SBDS: variants seen among roughly 807,000 people sequenced by gnomAD.
SBDS encodes the protein ribosome maturation protein SBDS.
Under a neutral mutation model 26.4 loss-of-function variants are expected in SBDS, and 20 were observed. The observed-to-expected ratio is 0.76, with a 90% confidence interval of 0.53 to 1.10. The LOEUF is 1.10. SBDS is among the 50% of genes least tolerant of loss of function. The probability of loss-of-function intolerance (pLI) is 0.00; values close to 1 mark genes in which losing one functional copy is unlikely to be tolerated. For synonymous variants in SBDS, 95 were observed against 105.1 expected, an observed-to-expected ratio of 0.90 and a Z score of 0.59; for missense variants, 241 against 302.0, an observed-to-expected ratio of 0.80 and a Z score of 1.50.
At chr7:66,988,831 A>G (rs1186003913) in intron 4 of SBDS, among the ~76,000 whole-genome samples, 1 of 152,212 alleles carries the variant, frequency 6.6e-6, no homozygotes, top group African/African-American at 2.4e-5. Flanking sequence ...ATAGCTCAGT[A>G]AAGTCACCTC....
rs1053591 is a variant in SBDS, at chr7:66,988,135, C to T, written c.*236G>A. On this transcript the variant is annotated 3_prime_UTR_variant, in exon 5 of 5. Transcript: ENST00000246868. ...CAGAGTAGCAAAATGCCACTCTGGA[C>T]TTTGCATCTTGGAGTTTCAATTTTG... 2.0e-6 allele frequency: 1 copy of T among 495,616 alleles called. No homozygotes were observed. Among genetic ancestry groups the T allele is most frequent in the Non-Finnish European group, 3.7e-6 (1 of 271,762 alleles). The allele number at this position is 495,616 out of a possible 1,614,324, so 30.7% of individuals were successfully genotyped here.
At chr7:66,994,506 C>T (rs1464590532) in intron 1 of SBDS, 165 bp from the exon 2 acceptor site, 6 of 682,698 alleles carry the variant, frequency 8.8e-6, no homozygotes, top group Non-Finnish European at 1.3e-5. Flanking sequence ...CCCCAACCCC[C>T]GCCCCTAGAT....
intron 3 of SBDS, among the ~76,000 whole-genome samples, chr7:66,992,876 A>G (rs1451916784): frequency 6.6e-6 from 1 of 151,908 alleles, no homozygotes; most frequent in East Asian, 1.9e-4. Context: ...GTGTGGTGGC[A>G]CGTGCCTATA....
rs200317456 is a variant in SBDS at position 66,992,599 on chromosome 7, G to GA, written c.459+617dup. Among the ~76,000 whole-genome samples, 49 of 146,924 alleles carry GA rather than the reference G, an allele frequency of 3.3e-4. No homozygotes were observed. In the East Asian group the frequency reaches 3.7e-3, roughly 11 times the overall value. On this transcript the variant is annotated intron_variant, in intron 3 of 4. Transcript: ENST00000246868. ...CCTATATACATATTTGTGTTTACTTGAAAAAAAAAAATTACCTATCTTTAC... is the reference window on the plus strand; with the variant it reads ...CCTATATACATATTTGTGTTTACTTGAAAAAAAAAAAATTACCTATCTTTAC...
intron 2 of SBDS, among the ~76,000 whole-genome samples, chr7:66,993,729 C>G (rs1410640460): frequency 2.0e-5 from 3 of 151,884 alleles, no homozygotes; most frequent in Non-Finnish European, 4.4e-5. Context: ...CAAAAATTAG[C>G]CAGGCAGGGT....
intron 1 of SBDS, 127 bp from the exon 2 acceptor site, chr7:66,994,468 T>C (rs1793044217): frequency 5.7e-6 from 5 of 882,528 alleles, no homozygotes; most frequent in Non-Finnish European, 9.3e-6. Context: ...TGACCTTTAG[T>C]GTAGAGGGCA....
rs1270767670 is a variant in SBDS at position 66,995,370 on chromosome 7, G to T, written c.48C>A (p.Ala16=). The T allele has an allele frequency of 5.0e-6, 8 of 1,614,126 alleles. No homozygotes were observed. The highest frequency in any genetic ancestry group is 6.8e-6 in the Non-Finnish European group (8 of 1,180,016). Residue 16 remains alanine (A), a synonymous_variant, in exon 1 of 5, where the codon GCC becomes GCA. Transcript: ENST00000246868. The part of the protein sequence containing the change: ...PTNQIRLTNV[A]VVRMKRAGKR... ...TCCCGGCACGCTTCATCCGTACCAC[G>T]GCCACATTGGTTAGGCGGATCTGGT...
chr7:66,991,008 C>T, intron 4 of SBDS, 129 bp downstream of exon 4: 2 of 847,782 alleles, frequency 2.4e-6, no homozygotes, highest in Non-Finnish European at 3.5e-6. Context: ...CAGAGCGAGA[C>T]TCCATCTCAA....
At chr7:66,991,625 C>T (rs906950590) in intron 3 of SBDS, among the ~76,000 whole-genome samples, 8 of 151,592 alleles carry the variant, frequency 5.3e-5, no homozygotes, top group South Asian at 2.1e-4. Flanking sequence ...ACCCCGTCTC[C>T]ACTAAAAATA....
At chr7:66,990,507 T>C (rs1249432529) in intron 4 of SBDS, among the ~76,000 whole-genome samples, 2 of 152,224 alleles carry the variant, frequency 1.3e-5, no homozygotes, top group East Asian at 3.8e-4. Flanking sequence ...TAAATTTCCA[T>C]AGTGTGCTTT....
intron 3 of SBDS, among the ~76,000 whole-genome samples, chr7:66,992,008 A>G (rs552635797): frequency 2.0e-5 from 3 of 152,212 alleles, no homozygotes; most frequent in African/African-American, 7.2e-5. Context: ...TTTGGTAGTC[A>G]CCAGGTATAC....
At chr7:66,991,029 G>T in intron 4 of SBDS, 108 bp downstream of exon 4, 5 of 1,036,914 alleles carry the variant, frequency 4.8e-6, no homozygotes, top group Non-Finnish European at 6.9e-6. Context: ...AAAAAAAAAA[G>T]AAAAGAAAAT....
In SBDS at chr7:66,995,413, G is replaced by A. The variant is rs1346901350; in HGVS notation, c.5C>T (p.Ser2Leu). MSIFTPTNQIRL... is the reference protein window; with the variant it reads MLIFTPTNQIRL... ...GATCTGGTTGGTGGGGGTGAAGATC[G>A]ACATCGCGGCTGTTCAAAGACCCAG... is the stretch of plus-strand genomic sequence containing the variant. The change falls in exon 1 of 5, where the codon TCG becomes TTG. Residue 2 changes from serine (S) to leucine (L), a missense_variant. Physicochemically the swap from Ser to Leu is moderately radical, Grantham distance 145. Transcript: ENST00000246868. 1 of 1,613,684 alleles carries A rather than the reference G, an allele frequency of 6.2e-7. No individual in the cohort carries two copies. Among genetic ancestry groups the A allele is most frequent in the South Asian group, 1.1e-5 (1 of 91,062 alleles).
At position 66,993,764 on chromosome 7, in the gene SBDS, C is replaced by T. The variant is rs181115529; in HGVS notation, c.259-347G>A. Among the ~76,000 whole-genome samples, 197 of 152,012 alleles carry T rather than the reference C, an allele frequency of 1.3e-3. 1 individual carries two copies. The highest frequency in any genetic ancestry group is 4.5e-3 in the African/African-American group (185 of 41,454). On this transcript the variant is annotated intron_variant, in intron 2 of 4. Coordinates refer to ENST00000246868, the MANE Select transcript of SBDS (RefSeq NM_016038.4). ...TGGTGGGCACCTGTAATCCCAGCTACCCTGGAAGCTGAGGCAAGAGAATCG... is the reference window on the plus strand; with the variant it reads ...TGGTGGGCACCTGTAATCCCAGCTATCCTGGAAGCTGAGGCAAGAGAATCG...
At chr7:66,989,397 T>C (rs1362188558) in intron 4 of SBDS, among the ~76,000 whole-genome samples, 1 of 149,104 alleles carries the variant, frequency 6.7e-6, no homozygotes, top group Non-Finnish European at 1.5e-5. Context: ...AATACAAAAT[T>C]AGCTGGGCGA....
chr7:66,994,544 G>C (rs998866817), intron 1 of SBDS, among the ~76,000 whole-genome samples: 2 of 151,358 alleles, frequency 1.3e-5, no homozygotes, highest in South Asian at 2.1e-4. Flanking sequence ...GCCCAGGCTG[G>C]AGTGCAATGG....
chr7:66,995,080 A>G, intron 1 of SBDS: 1 of 644,628 alleles, frequency 1.6e-6, no homozygotes, highest in Non-Finnish European at 2.6e-6. Context: ...CCAAACCAAC[A>G]ACCCAATCCG....
chr7:66,990,245 C>T (rs1344440603), intron 4 of SBDS, among the ~76,000 whole-genome samples: 4 of 152,078 alleles, frequency 2.6e-5, no homozygotes, highest in Non-Finnish European at 5.9e-5. Context: ...CTCGAACTCC[C>T]GACCTCAGGT....
chr7:66,995,491 C>T lies in SBDS; in HGVS notation c.-74G>A. The T allele has an allele frequency of 1.9e-6, 3 of 1,607,866 alleles. No homozygotes were observed. The highest frequency in any genetic ancestry group is 1.7e-5 in the Admixed American group (1 of 59,782). On this transcript the variant is annotated 5_prime_UTR_variant, in exon 1 of 5. Coordinates refer to ENST00000246868, the MANE Select transcript of SBDS (RefSeq NM_016038.4). Reference sequence around the variant, plus strand: ...CCGTCCAGCCTGAAGGCCACCAGCGCCTCGCGGTAACGACCGATCGGCGCG... The same window carrying T: ...CCGTCCAGCCTGAAGGCCACCAGCGTCTCGCGGTAACGACCGATCGGCGCG...
Sources: gnomAD v4.1 joint callset for allele counts (sites outside exome capture counted in the v4.1 genomes callset) on GRCh38, gnomAD v4.1.1 for gene constraint, MANE v1.5 for transcripts, NCBI Gene and HGNC (gene_info 2026-07-23, HGNC 2026-07-21) for gene names.